Variants in NR1H3 observed in about 807,000 individuals in gnomAD.
NR1H3 encodes nuclear receptor subfamily 1 group H member 3.
In NR1H3, 19 loss-of-function variants were observed where a neutral mutation model predicts 48.1. That is an observed-to-expected ratio of 0.40 (90% confidence interval 0.28 to 0.58). The LOEUF (loss-of-function observed/expected upper bound fraction) is 0.58. Ranked by LOEUF, NR1H3 falls within the 20% of genes least tolerant of loss-of-function variation. The pLI, the probability that NR1H3 is intolerant of heterozygous loss-of-function variation, is 0.50. For missense variants in NR1H3, 486 were observed against 595.9 expected, an observed-to-expected ratio of 0.82 and a Z score of 1.92; for synonymous variants, 232 against 227.3, an observed-to-expected ratio of 1.02 and a Z score of -0.19.
Position 47,261,691 on chromosome 11 carries a change from G to A in NR1H3, c.853G>A (p.Asp285Asn). The change falls in exon 6 of 10, where the codon GAC becomes AAC. Residue 285 changes from aspartate to asparagine, a missense_variant. Coordinates refer to ENST00000441012, the MANE Select transcript of NR1H3 (RefSeq NM_005693.4). ...LPGFLQLSREDQIALLKTSAI... is the reference protein window; with the variant it reads ...LPGFLQLSRENQIALLKTSAI... Reference sequence around the variant, plus strand: ...CGGCTTCCTGCAGCTCAGCCGGGAGGACCAGATTGCCCTGCTGAAGACCTC... The same window carrying A: ...CGGCTTCCTGCAGCTCAGCCGGGAGAACCAGATTGCCCTGCTGAAGACCTC... The A allele has an allele frequency of 1.9e-6, 3 of 1,614,168 alleles. No individual in the cohort carries two copies. Among genetic ancestry groups the A allele is most frequent in the Non-Finnish European group, 1.7e-6 (2 of 1,180,040 alleles).
exon 1 of NR1H3, chr11:47,248,952 T>C (rs1954364517): frequency 6.5e-7 from 1 of 1,530,308 alleles, no homozygotes; most frequent in Admixed American, 2.0e-5. Flanking sequence ...TCGGTGGGAT[T>C]GCGTGCAGGA....
chr11:47,257,086 C>G (rs1229497342), upstream of NR1H3, among the ~76,000 whole-genome samples: 2 of 152,220 alleles, frequency 1.3e-5, no homozygotes, highest in African/African-American at 4.8e-5. Context: ...ACAGTACCTA[C>G]TCTGTTGCCA....
At chr11:47,257,800 C>T (rs1023983514), upstream of NR1H3, 1 of 938,720 alleles carries the variant, frequency 1.1e-6, no homozygotes, top group Non-Finnish European at 1.3e-6. Flanking sequence ...ACTGTTTTGG[C>T]CGGGAGTAGG....
upstream of NR1H3, among the ~76,000 whole-genome samples, chr11:47,253,143 G>GTGTGTGTGTGTGTGTGTGTGTGTGTGTT (rs1565175405): frequency 6.6e-6 from 1 of 151,430 alleles, no homozygotes; most frequent in Non-Finnish European, 1.5e-5. Context: ...GCGTGTGTGT[G>GTGTGTGTGTGTGTGTGTGTGTGTGTGTT]TTTTCTGTAA....
At chr11:47,252,068 GAAAAA>G (rs77344433) in intron 1 of NR1H3, among the ~76,000 whole-genome samples, 3 of 128,636 alleles carry the variant, frequency 2.3e-5, no homozygotes, top group Non-Finnish European at 5.1e-5. Flanking sequence ...AAAAAAAAAA[GAAAAA>G]AAAAAAACAC....
intron 1 of NR1H3, among the ~76,000 whole-genome samples, chr11:47,249,205 T>G (rs1954391151): frequency 6.6e-6 from 1 of 151,986 alleles, no homozygotes; most frequent in South Asian, 2.1e-4. Flanking sequence ...GATGGGAAAG[T>G]AGAGGTCGCT....
intron 1 of NR1H3, chr11:47,249,015 G>A (rs1954372182): frequency 6.8e-7 from 1 of 1,473,434 alleles, no homozygotes; most frequent in Middle Eastern, 2.5e-4. Context: ...GCGACCTGGC[G>A]CGGCAGACAG....
chr11:47,254,183 G>A (rs921028081), upstream of NR1H3, among the ~76,000 whole-genome samples: 1 of 152,208 alleles, frequency 6.6e-6, no homozygotes, highest in African/African-American at 2.4e-5. Context: ...CTCGTATGTG[G>A]TCCTGGGTCC....
upstream of NR1H3, among the ~76,000 whole-genome samples, chr11:47,255,545 C>CTT (rs61427404): frequency 2.0e-5 from 2 of 99,794 alleles, no homozygotes; most frequent in African/African-American, 7.2e-5. Context: ...CTTTCTTTTT[C>CTT]TTTCTTTCTT....
At chr11:47,256,683 A>G (rs1955206252), upstream of NR1H3, among the ~76,000 whole-genome samples, 1 of 151,436 alleles carries the variant, frequency 6.6e-6, no homozygotes, top group Non-Finnish European at 1.5e-5. Context: ...GAATAATAAA[A>G]AAAATTGACT....
At chr11:47,258,186 C>T (rs1005338942) in intron 1 of NR1H3, 57 bp downstream of exon 1, 34 of 984,058 alleles carry the variant, frequency 3.5e-5, no homozygotes, top group East Asian at 1.1e-4. Flanking sequence ...GGGGTGGGGT[C>T]GGGGAATGTC....
intron 7 of NR1H3, among the ~76,000 whole-genome samples, chr11:47,265,070 G>A (rs1343691176): frequency 6.6e-6 from 1 of 152,152 alleles, no homozygotes; most frequent in Non-Finnish European, 1.5e-5. Flanking sequence ...GAGGCAGGCG[G>A]ATCACCTGAG....
At chr11:47,263,751 C>T (rs549750159) in intron 7 of NR1H3, among the ~76,000 whole-genome samples, 4 of 151,920 alleles carry the variant, frequency 2.6e-5, no homozygotes, top group South Asian at 2.1e-4. Flanking sequence ...TACAGGCGCG[C>T]GCCACTACGC....
chr11:47,254,201 C>T (rs574514912), upstream of NR1H3, among the ~76,000 whole-genome samples: 1 of 152,272 alleles, frequency 6.6e-6, no homozygotes, highest in South Asian at 2.1e-4. Flanking sequence ...TCCTGGGAAG[C>T]CACCTGTGGG....
chr11:47,252,572 G>A (rs1023395065), intron 1 of NR1H3, among the ~76,000 whole-genome samples: 2 of 146,112 alleles, frequency 1.4e-5, no homozygotes, highest in African/African-American at 2.5e-5. Context: ...TGTTTTTTTT[G>A]TTTGTTTTGT....
chr11:47,262,195 C>T (rs1200166807), intron 7 of NR1H3, among the ~76,000 whole-genome samples, 177 bp downstream of exon 7: 3 of 151,782 alleles, frequency 2.0e-5, no homozygotes, highest in Admixed American at 6.6e-5. Context: ...CTGGCTAACA[C>T]GGTGAAACCC....
Position 47,250,930 on chromosome 11 carries a change from C to T in NR1H3, c.-93+1931C>T, listed in dbSNP as rs574598630. Among the ~76,000 whole-genome samples, 345 of 152,308 alleles carry T rather than the reference C, an allele frequency of 2.3e-3. 1 individual carries two copies. Among genetic ancestry groups the T allele is most frequent in the Non-Finnish European group, 3.3e-3 (227 of 68,020 alleles). ...ATCCCGGCACTTTGGGAGGCCGAGG[C>T]GGGTGGATCACGAGGTCAGGAGATC... On this transcript the variant is annotated intron_variant, in intron 1 of 8. Coordinates refer to the NR1H3 transcript ENST00000395397.
intron 7 of NR1H3, among the ~76,000 whole-genome samples, chr11:47,263,257 A>AT (rs967091026): frequency 1.8e-5 from 2 of 110,338 alleles, no homozygotes; most frequent in Non-Finnish European, 3.5e-5. Flanking sequence ...ATGGGGGCTG[A>AT]TTTCCCCTAC....
At position 47,260,652 on chromosome 11, in the gene NR1H3, G is replaced by A. The variant is rs759974111; in HGVS notation, c.476G>A (p.Arg159His). 61 of 1,604,992 alleles carry A rather than the reference G, an allele frequency of 3.8e-5. No individual in the cohort carries two copies. The highest frequency in any genetic ancestry group is 4.6e-5 in the Non-Finnish European group (54 of 1,178,304). ...CAGGAGTGTCGGCTTCGCAAATGCCGTCAGGCTGGCATGCGGGAGGAGTGT... is the reference window on the plus strand; with the variant it reads ...CAGGAGTGTCGGCTTCGCAAATGCCATCAGGCTGGCATGCGGGAGGAGTGT... ...KCQECRLRKC[R>H]QAGMREECVL... Residue 159 changes from arginine (R) to histidine (H), a missense_variant, in exon 4 of 10, where the codon CGT becomes CAT. Arg to His is a conservative substitution (Grantham distance 29, BLOSUM62 0). Transcript: ENST00000441012.
Sources: gnomAD v4.1 joint callset for allele counts (sites outside exome capture counted in the v4.1 genomes callset) on GRCh38, gnomAD v4.1.1 for gene constraint, MANE v1.5 for transcripts, NCBI Gene and HGNC (gene_info 2026-07-23, HGNC 2026-07-21) for gene names.